The following NAPG variants were observed in gnomAD, a reference collection of about 807,000 sequenced individuals.
The protein encoded by NAPG is gamma-soluble NSF attachment protein.
Under a neutral mutation model 48.4 loss-of-function variants are expected in NAPG, and 25 were observed. The ratio of observed to expected loss-of-function variants is 0.52; its 90% CI spans 0.38 to 0.72. NAPG has a LOEUF of 0.72. Among genes scored for constraint, NAPG ranks in the 30% least tolerant of loss-of-function variants. The pLI, the probability that NAPG is intolerant of heterozygous loss-of-function variation, is 0.00. For missense variants in NAPG, 359 were observed against 372.5 expected (o/e 0.96, Z 0.30); for synonymous variants, 139 against 127.2 (o/e 1.09, Z -0.62).
chr18:10,527,893 A>G (rs1372029344), intron 1 of NAPG, among the ~76,000 whole-genome samples: 1 of 152,206 alleles, frequency 6.6e-6, no homozygotes, highest in Non-Finnish European at 1.5e-5. Flanking sequence ...GGTGAAAGAA[A>G]TGTGGCAGCA....
chr18:10,550,463 C>A lies in NAPG; in HGVS notation c.*243C>A. 2.7e-6 allele frequency: 1 copy of A among 374,290 alleles called. No individual in the cohort carries two copies. Among genetic ancestry groups the A allele is most frequent in the Non-Finnish European group, 4.7e-6 (1 of 212,150 alleles). The allele number at this position is 374,290 out of a possible 1,614,324, so 23.2% of individuals were successfully genotyped here. A position where few individuals can be genotyped will look rare whatever the true frequency, so the allele number is the denominator to read the frequency against. On this transcript the variant is annotated 3_prime_UTR_variant, in exon 12 of 12. Coordinates refer to ENST00000322897, the MANE Select transcript of NAPG (RefSeq NM_003826.3). ...CCAGCAGGAATTAACAGAAAATGTA[C>A]TGTCATGTTTTAATACATTGATTAA...
chr18:10,528,336 C>T (rs2031862393), intron 1 of NAPG, among the ~76,000 whole-genome samples: 1 of 152,260 alleles, frequency 6.6e-6, no homozygotes, highest in South Asian at 2.1e-4. Flanking sequence ...CAAAAGTGGT[C>T]CCTTCTTCAA....
At chr18:10,547,635 G>C (rs1410891611) in intron 9 of NAPG, among the ~76,000 whole-genome samples, 1 of 152,132 alleles carries the variant, frequency 6.6e-6, no homozygotes, top group Non-Finnish European at 1.5e-5. Context: ...AAAATAATTG[G>C]ATAAGCTTAA....
At chr18:10,531,715 A>G (rs1292516591) in intron 2 of NAPG, among the ~76,000 whole-genome samples, 1 of 152,246 alleles carries the variant, frequency 6.6e-6, no homozygotes. Context: ...TACTCATGCA[A>G]GGAGGCTTCT....
Position 10,540,362 on chromosome 18 carries a change from C to G in NAPG, c.469C>G (p.Leu157Val), listed in dbSNP as rs929966591. 1.2e-6 allele frequency: 2 copies of G among 1,613,638 alleles called. No homozygotes were observed. The highest frequency in any genetic ancestry group is 3.3e-5 in the Admixed American group (2 of 60,000). ...ACGCTTACGACAGGCAGTTGAATTA[C>G]TAGGAAAAGCCTCCAGACTACTAGT... Reference protein sequence around the residue: ...EERLRQAVELLGKASRLLVRG... With the variant: ...EERLRQAVELVGKASRLLVRG... The change falls in exon 8 of 12, where the codon CTA (leucine) becomes GTA (valine). Residue 157 changes from leucine to valine, a missense_variant. Physicochemically the swap from Leu to Val is conservative, Grantham distance 32. Transcript: ENST00000322897.
In NAPG at chr18:10,552,348, G is replaced by C. The variant is rs2032416367; in HGVS notation, c.*2128G>C. ...GACTTGGGGATATTGTTTGTTGTCA[G>C]GGTTATTCTGTGTGGTAAGGAATAT... On this transcript the variant is annotated 3_prime_UTR_variant, in exon 12 of 12. Coordinates refer to ENST00000322897, the MANE Select transcript of NAPG (RefSeq NM_003826.3). 6.6e-6 allele frequency: 1 copy of C among 152,202 alleles called. No homozygotes were observed. Among genetic ancestry groups the C allele is most frequent in the Admixed American group, 6.5e-5 (1 of 15,280 alleles). 9.4% of individuals were successfully genotyped at this position (152,202 alleles called of 1,614,324 possible).
At chr18:10,526,930 C>T (rs2031826676) in intron 1 of NAPG, among the ~76,000 whole-genome samples, 1 of 152,038 alleles carries the variant, frequency 6.6e-6, no homozygotes, top group African/African-American at 2.4e-5. Flanking sequence ...TGGCTCACGT[C>T]TGCAATCCCA....
chr18:10,527,559 G>C (rs1053472231), intron 1 of NAPG, among the ~76,000 whole-genome samples: 1 of 152,222 alleles, frequency 6.6e-6, no homozygotes, highest in Non-Finnish European at 1.5e-5. Flanking sequence ...CAAAAAAGCT[G>C]TATTAACTGT....
chr18:10,540,414 A>G lies in NAPG; in HGVS notation c.506+15A>G, dbSNP rs755518573. The G allele has an allele frequency of 6.2e-7, 1 of 1,603,682 alleles. No homozygotes were observed. Among genetic ancestry groups the G allele is most frequent in the African/African-American group, 1.3e-5 (1 of 74,570 alleles). On this transcript the variant is annotated intron_variant, in intron 8 of 11. Transcript: ENST00000322897. ...CGAGGACGTAGGTATGTCTTTAAAA[A>G]CTATTGCTGTGTGTTTAACTATACT...
In NAPG at chr18:10,534,885, T is replaced by G. The variant is rs978800809; in HGVS notation, c.258+389T>G. Among the ~76,000 whole-genome samples, 1 of 152,216 alleles carries G rather than the reference T, an allele frequency of 6.6e-6. No individual in the cohort carries two copies. The highest frequency in any genetic ancestry group is 2.4e-5 in the African/African-American group (1 of 41,456). ...ATGGGTTATAGAAGAGATTTTTACT[T>G]ATGTGAATAACAGTTGGCAGCAGAA... On this transcript the variant is annotated intron_variant, in intron 5 of 11. Transcript: ENST00000322897. This position sits in a 1 kb window ranked among gnomAD's most constrained non-coding sequence, Gnocchi z 5.0.
In NAPG at chr18:10,534,868, TAGAAG is replaced by T. The variant is rs1392893158; in HGVS notation, c.258+376_258+380del. On this transcript the variant is annotated intron_variant, in intron 5 of 11. Coordinates refer to ENST00000322897, the MANE Select transcript of NAPG (RefSeq NM_003826.3). This position sits in a 1 kb window ranked among gnomAD's most constrained non-coding sequence, Gnocchi z 5.0. ...TTAAAAAATTATCATACATGGGTTA[TAGAAG>T]AGATTTTTACTTATGTGAATAACAG... Among the ~76,000 whole-genome samples, 4 of 152,248 alleles carry T rather than the reference TAGAAG, an allele frequency of 2.6e-5. No homozygotes were observed. The East Asian group carries it at 7.7e-4, about 29-fold the overall frequency.
chr18:10,533,392 ACTT>A (rs2031969980), intron 3 of NAPG, 141 bp from the exon 4 acceptor site: 1 of 590,516 alleles, frequency 1.7e-6, no homozygotes, highest in Admixed American at 3.6e-5. Context: ...GTATTGAATT[ACTT>A]CTTTTTTACC....
intron 1 of NAPG, chr18:10,526,751 GC>G (rs2031822021): frequency 6.5e-6 from 1 of 152,796 alleles, no homozygotes; most frequent in Non-Finnish European, 1.5e-5. Flanking sequence ...TGTATGTCCT[GC>G]CACCTCTGGT....
In NAPG at chr18:10,550,512, A is replaced by C; in HGVS notation, c.*292A>C. ...AAAAAATTTGCAAGCCAAATTATAC[A>C]TAAATTATGTTCTAAACAAAAGGGG... is the stretch of plus-strand genomic sequence containing the variant. On this transcript the variant is annotated 3_prime_UTR_variant, in exon 12 of 12. Coordinates refer to ENST00000322897, the MANE Select transcript of NAPG (RefSeq NM_003826.3). The C allele has an allele frequency of 3.9e-6, 1 of 257,452 alleles. No homozygotes were observed. Among genetic ancestry groups the C allele is most frequent in the Non-Finnish European group, 7.3e-6 (1 of 136,266 alleles). 15.9% of individuals were successfully genotyped at this position (257,452 alleles called of 1,614,324 possible). A position where few individuals can be genotyped will look rare whatever the true frequency, so the allele number is the denominator to read the frequency against.
chr18:10,531,598 T>G (rs2031930067), intron 2 of NAPG, among the ~76,000 whole-genome samples: 1 of 152,242 alleles, frequency 6.6e-6, no homozygotes, highest in South Asian at 2.1e-4. Context: ...GAGTCTTCAG[T>G]ACTTTTATTT....
At chr18:10,537,382 TA>T (rs2032057019) in intron 5 of NAPG, among the ~76,000 whole-genome samples, 1 of 152,172 alleles carries the variant, frequency 6.6e-6, no homozygotes, top group Non-Finnish European at 1.5e-5. Context: ...AAGAAAATCG[TA>T]AGGAAGAGAA....
chr18:10,530,188 C>CTTTTTTTTT (rs58597079), intron 1 of NAPG, among the ~76,000 whole-genome samples: 3 of 67,320 alleles, frequency 4.5e-5, no homozygotes, highest in East Asian at 4.9e-4. Flanking sequence ...CGAGTTTTCA[C>CTTTTTTTTT]TTTTTTTTTT....
At chr18:10,541,269 T>G (rs1474025933) in intron 8 of NAPG, among the ~76,000 whole-genome samples, 1 of 152,192 alleles carries the variant, frequency 6.6e-6, no homozygotes, top group Admixed American at 6.5e-5. Context: ...CACTGAGGAG[T>G]ATTTTTTTGT....
At chr18:10,547,612 AC>A (rs1271567384) in intron 9 of NAPG, among the ~76,000 whole-genome samples, 1 of 152,214 alleles carries the variant, frequency 6.6e-6, no homozygotes, top group Non-Finnish European at 1.5e-5. Context: ...ACTGGCAAAT[AC>A]ATTATTGAAG....
Sources: allele counts gnomAD v4.1 joint callset (sites outside exome capture counted in the v4.1 genomes callset), GRCh38; gene constraint gnomAD v4.1.1; non-coding constraint Gnocchi (gnomAD v3.1); transcripts MANE v1.5; gene names NCBI Gene and HGNC (gene_info 2026-07-23, HGNC 2026-07-21).